The following MYO18B variants were observed in gnomAD, a reference collection of about 807,000 sequenced individuals.
The protein encoded by MYO18B is myosin XVIIIB, also known as unconventional myosin-XVIIIb.
In MYO18B, 204 loss-of-function variants were observed where a neutral mutation model predicts 273.0. The ratio of observed to expected loss-of-function variants is 0.75; its 90% CI spans 0.67 to 0.84. The LOEUF is 0.84. Among genes scored for constraint, MYO18B ranks in the 40% least tolerant of loss-of-function variants. The pLI is 0.00. For synonymous variants in MYO18B, 1,330 were observed against 1,305.7 expected (o/e 1.02, Z -0.40); for missense variants, 3,212 against 3,287.6 (o/e 0.98, Z 0.56).
rs201544556 is a variant in MYO18B, at chr22:25,877,972, C to T, written c.4238C>T (p.Thr1413Met). ...TTGTTTTTGTAGGAGGAGCTTACAACGCTAAGACGGAAGCTAGAAAAATCA... is the reference window on the plus strand; with the variant it reads ...TTGTTTTTGTAGGAGGAGCTTACAATGCTAAGACGGAAGCTAGAAAAATCA... ...QLRAKEEELT[T>M]LRRKLEKSEK... The change falls in exon 25 of 44, where the codon ACG becomes ATG. Residue 1413 changes from threonine (T) to methionine (M), a missense_variant. By Grantham distance (81) the Thr-to-Met change is moderately conservative. Coordinates refer to ENST00000335473, the MANE Select transcript of MYO18B (RefSeq NM_032608.7). 1.3e-4 allele frequency: 197 copies of T among 1,575,710 alleles called. No individual in the cohort carries two copies. Among genetic ancestry groups the T allele is most frequent in the Non-Finnish European group, 1.6e-4 (184 of 1,160,184 alleles).
In MYO18B at chr22:25,993,929, A is replaced by T. The variant is rs374760164; in HGVS notation, c.6287+1436A>T. On this transcript the variant is annotated intron_variant, in intron 40 of 43. Transcript: ENST00000335473. ...ATTTTTTTTTTCTTCAAGTTTATTT[A>T]TATTTTCTGAAATCTGTGCAATGAA... Among the ~76,000 whole-genome samples, 121 of 152,136 alleles carry T rather than the reference A, an allele frequency of 8.0e-4. 2 individuals are homozygous for T. The highest frequency in any genetic ancestry group is 2.9e-3 in the African/African-American group (120 of 41,500).
At chr22:25,925,878 A>G (rs1298033411) in intron 34 of MYO18B, among the ~76,000 whole-genome samples, 1 of 126,734 alleles carries the variant, frequency 7.9e-6, no homozygotes, top group African/African-American at 3.1e-5. Flanking sequence ...GCACTCCAGC[A>G]TGGGCAACAG....
intron 42 of MYO18B, among the ~76,000 whole-genome samples, chr22:26,025,443 T>C (rs993606122): frequency 6.6e-6 from 1 of 152,182 alleles, no homozygotes; most frequent in East Asian, 1.9e-4. Flanking sequence ...ACAATCGTCC[T>C]GATTGTTACA....
At chr22:25,947,540 A>C (rs867077342) in intron 35 of MYO18B, among the ~76,000 whole-genome samples, 172 bp from the exon 36 acceptor site, 4 of 141,028 alleles carry the variant, frequency 2.8e-5, no homozygotes, top group South Asian at 4.7e-4. Flanking sequence ...ACACACACAC[A>C]CACCAAGCTG....
chr22:25,893,815 CCATTTAT>C (rs2146294956), intron 27 of MYO18B, among the ~76,000 whole-genome samples: 2 of 151,958 alleles, frequency 1.3e-5, no homozygotes, highest in African/African-American at 4.8e-5. Context: ...ACCCATCCAT[CCATTTAT>C]CCATCTGCCC....
At chr22:25,879,204 T>C (rs573483800) in intron 25 of MYO18B, among the ~76,000 whole-genome samples, 6 of 152,178 alleles carry the variant, frequency 3.9e-5, no homozygotes. Flanking sequence ...ATGGCAGGGC[T>C]GAGTAGTTGC....
the MYO18B span, among the ~76,000 whole-genome samples, chr22:26,040,925 G>A: frequency 6.6e-6 from 1 of 152,154 alleles, no homozygotes; most frequent in Non-Finnish European, 1.5e-5. Context: ...CATTTAGGGT[G>A]ACCAATCATC....
chr22:25,781,765 G>A lies in MYO18B; in HGVS notation c.2243G>A (p.Arg748Gln), dbSNP rs1047766399. Reference protein sequence around the residue: ...TMLLEKSRVARQPEGESNFLV... With the variant: ...TMLLEKSRVAQQPEGESNFLV... ...CTTTTGGAGAAGAGCCGCGTGGCAC[G>A]GCAGCCGGAAGGGGAAAGTAACTTC... Residue 748 changes from arginine to glutamine, a missense_variant, in exon 10 of 44, where the codon CGG becomes CAG. Coordinates refer to ENST00000335473, the MANE Select transcript of MYO18B (RefSeq NM_032608.7). 19 of 1,589,948 alleles carry A rather than the reference G, an allele frequency of 1.2e-5. No individual in the cohort carries two copies. The highest frequency in any genetic ancestry group is 1.5e-5 in the Non-Finnish European group (17 of 1,169,326).
intron 33 of MYO18B, among the ~76,000 whole-genome samples, chr22:25,916,939 T>A (rs1483233451): frequency 6.6e-6 from 1 of 151,974 alleles, no homozygotes; most frequent in Non-Finnish European, 1.5e-5. Context: ...GGCTGAGGCA[T>A]GAGAATCACT....
chr22:26,042,070 T>A, the MYO18B span, among the ~76,000 whole-genome samples: 2 of 152,140 alleles, frequency 1.3e-5, no homozygotes, highest in African/African-American at 4.8e-5. Context: ...TTTCTACAGA[T>A]GAAGAAATTG....
At chr22:25,858,094 A>G (rs541833762) in intron 21 of MYO18B, among the ~76,000 whole-genome samples, 1 of 152,234 alleles carries the variant, frequency 6.6e-6, no homozygotes, top group African/African-American at 2.4e-5. Flanking sequence ...CTTGAGCATA[A>G]ATAGTTAAAA....
chr22:25,797,812 C>A, intron 11 of MYO18B, 141 bp from the exon 12 acceptor site: 1 of 1,210,366 alleles, frequency 8.3e-7, no homozygotes, highest in Non-Finnish European at 1.2e-6. Context: ...GTCAGTACTC[C>A]TCAGCTTAAT....
rs535331064 is a variant in MYO18B, at chr22:25,816,351, T to G, written c.2522-7154T>G. On this transcript the variant is annotated intron_variant, in intron 12 of 43. Transcript: ENST00000335473. ...CGTATAACCTCATTCATTCTTCTTT[T>G]ATTTATTATTATACTTTAAGTTCTA... Among the ~76,000 whole-genome samples the G allele has an allele frequency of 1.2e-4, 18 of 152,308 alleles. No homozygotes were observed. The South Asian group carries it at 3.3e-3, about 28-fold the overall frequency.
At chr22:25,901,576 A>G (rs2091935853) in intron 29 of MYO18B, 1 of 152,128 alleles carries the variant, frequency 6.6e-6, no homozygotes, top group Non-Finnish European at 1.5e-5. Flanking sequence ...AAATGAGGAC[A>G]AGAATGTATA....
chr22:25,785,238 G>A (rs2087332025), intron 10 of MYO18B, among the ~76,000 whole-genome samples, 190 bp from the exon 11 acceptor site: 1 of 152,214 alleles, frequency 6.6e-6, no homozygotes, highest in African/African-American at 2.4e-5. Flanking sequence ...CCAAGTGAGG[G>A]CTGTGCGTGA....
At position 25,890,840 on chromosome 22, in the gene MYO18B, C is replaced by A. The variant is rs200181066; in HGVS notation, c.4399C>A (p.Arg1467=). ...GGTGCTGGAGAGTGAGCGGGCAGAG[C>A]GGCTACAGGCCTTCCGGGAGGTCCA... is the stretch of plus-strand genomic sequence containing the variant. The part of the protein sequence containing the change: ...CQVLESERAE[R]LQAFREVQEL... Residue 1467 remains arginine (R), a synonymous_variant, in exon 26 of 44, where the codon CGG becomes AGG. Transcript: ENST00000335473. 1 of 1,613,864 alleles carries A rather than the reference C, an allele frequency of 6.2e-7. No individual in the cohort carries two copies. Among genetic ancestry groups the A allele is most frequent in the Non-Finnish European group, 8.5e-7 (1 of 1,179,848 alleles).
Position 25,768,355 on chromosome 22 carries a change from G to T in MYO18B, c.439G>T (p.Gly147Cys). ...CAAAAAGACTGTCCCCTTCAAGAGG[G>T]GCGTGAGGAGGGGTGATGTGTTGTT... ...PTKKTVPFKR[G>C]VRRGDVLLMV... The change falls in exon 4 of 44, where the codon GGC becomes TGC. Residue 147 changes from glycine to cysteine, a missense_variant. Coordinates refer to ENST00000335473, the MANE Select transcript of MYO18B (RefSeq NM_032608.7). 1 of 1,613,842 alleles carries T rather than the reference G, an allele frequency of 6.2e-7. No individual in the cohort carries two copies. Among genetic ancestry groups the T allele is most frequent in the South Asian group, 1.1e-5 (1 of 91,016 alleles).
chr22:25,876,605 G>A (rs2146199300), intron 24 of MYO18B, among the ~76,000 whole-genome samples: 1 of 151,724 alleles, frequency 6.6e-6, no homozygotes, highest in East Asian at 1.9e-4. Flanking sequence ...ACCCAGAGAA[G>A]CTCAATGGGC....
chr22:25,933,938 T>C (rs117659024), intron 34 of MYO18B, among the ~76,000 whole-genome samples: 2 of 152,306 alleles, frequency 1.3e-5, no homozygotes, highest in East Asian at 1.9e-4. Context: ...CCTGTAGACA[T>C]TTACATTCCC....
Sources: gnomAD v4.1 joint callset for allele counts (sites outside exome capture counted in the v4.1 genomes callset) on GRCh38, gnomAD v4.1.1 for gene constraint, MANE v1.5 for transcripts, NCBI Gene and HGNC (gene_info 2026-07-23, HGNC 2026-07-21) for gene names.